Variants in GUCY2F observed in about 807,000 individuals in gnomAD.
GUCY2F encodes the protein guanylate cyclase 2F, retinal.
In GUCY2F, 61 loss-of-function variants were observed where a neutral mutation model predicts 73.1. The ratio of observed to expected loss-of-function variants is 0.83; its 90% CI spans 0.68 to 1.03. GUCY2F has a LOEUF of 1.03. Ranked by LOEUF, GUCY2F falls within the 50% of genes least tolerant of loss-of-function variation. The pLI is 0.00. For synonymous variants in GUCY2F, 331 were observed against 307.8 expected (o/e 1.08, Z -0.79); for missense variants, 912 against 854.3 (o/e 1.07, Z -0.84).
At chrX:109,400,853 C>T (rs1455308409) in intron 10 of GUCY2F, among the ~76,000 whole-genome samples, 2 of 112,214 alleles carry the variant, frequency 1.8e-5, no homozygotes, top group Non-Finnish European at 3.8e-5. Flanking sequence ...CAAAGGAATA[C>T]ATTTATAGTT....
Position 109,420,297 on chromosome X carries a change from G to A in GUCY2F, c.1791+10010C>T, listed in dbSNP as rs958852857. ...AGGGAGGGGGAAAGAGAGAGAGAGA[G>A]AAAAAGAGAAAGAAAGAAGAAAGAA... On this transcript the variant is annotated intron_variant, in intron 8 of 19. Coordinates refer to ENST00000218006, the MANE Select transcript of GUCY2F (RefSeq NM_001522.3). 2.9e-4 allele frequency among the ~76,000 whole-genome samples: 29 copies of A among 99,202 alleles called. 1 individual carries two copies. The highest frequency in any genetic ancestry group is 9.9e-4 in the African/African-American group (27 of 27,340). The allele number at this position is 99,202 out of a possible 115,157, so 86.1% of individuals were successfully genotyped here.
At chrX:109,445,830 A>G (rs1370199642) in intron 6 of GUCY2F, among the ~76,000 whole-genome samples, 2 of 111,863 alleles carry the variant, frequency 1.8e-5, no homozygotes, top group African/African-American at 6.5e-5. Context: ...GAGGAAGTCA[A>G]ATTGTGCCTG....
At chrX:109,400,251 A>G (rs1408831186) in intron 10 of GUCY2F, among the ~76,000 whole-genome samples, 1 of 110,453 alleles carries the variant, frequency 9.1e-6, no homozygotes, top group Non-Finnish European at 1.9e-5. Context: ...ACAGTCAACC[A>G]GATACACTGG....
chrX:109,398,486 G>A, intron 11 of GUCY2F, 63 bp downstream of exon 11: 1 of 1,017,822 alleles, frequency 9.8e-7, no homozygotes, highest in Non-Finnish European at 1.4e-6. Context: ...ATGACAGCCT[G>A]AGTTGGTCTG....
chrX:109,445,868 G>C (rs1931993381), intron 6 of GUCY2F, among the ~76,000 whole-genome samples: 1 of 111,675 alleles, frequency 9.0e-6, no homozygotes, highest in Non-Finnish European at 1.9e-5. Context: ...TGTATATTTA[G>C]AAAACCCCAT....
intron 1 of GUCY2F, among the ~76,000 whole-genome samples, chrX:109,476,586 G>A (rs1932698912): frequency 9.0e-6 from 1 of 110,861 alleles, no homozygotes; most frequent in Non-Finnish European, 1.9e-5. Flanking sequence ...GAGGAGAGAA[G>A]GGAGGAAGAA....
chrX:109,421,328 G>A (rs767519066), intron 8 of GUCY2F, among the ~76,000 whole-genome samples: 2 of 111,514 alleles, frequency 1.8e-5, no homozygotes, highest in Non-Finnish European at 3.8e-5. Context: ...CACTATTCAC[G>A]TTAGCCAAGA....
intron 8 of GUCY2F, among the ~76,000 whole-genome samples, chrX:109,412,466 C>T (rs1931134481): frequency 1.8e-5 from 2 of 111,953 alleles, no homozygotes; most frequent in South Asian, 7.5e-4. Context: ...CATGACAATT[C>T]TCTTCATCCA....
intron 8 of GUCY2F, among the ~76,000 whole-genome samples, chrX:109,417,237 C>T (rs1931266397): frequency 9.0e-6 from 1 of 111,159 alleles, no homozygotes; most frequent in East Asian, 2.8e-4. Context: ...ATTTCATTCT[C>T]TTAATTTGTA....
At chrX:109,431,788 G>A (rs747056637) in intron 7 of GUCY2F, among the ~76,000 whole-genome samples, 1 of 109,750 alleles carries the variant, frequency 9.1e-6, no homozygotes, top group African/African-American at 3.3e-5. Context: ...CAGAGGCAAA[G>A]GCTAATGGAA....
In GUCY2F at chrX:109,426,337, G is replaced by A. The variant is rs185750416; in HGVS notation, c.1791+3970C>T. 6.1e-3 allele frequency among the ~76,000 whole-genome samples: 688 copies of A among 112,239 alleles called. 6 individuals carry two copies. Among genetic ancestry groups the A allele is most frequent in the Non-Finnish European group, 9.1e-3 (486 of 53,175 alleles). On this transcript the variant is annotated intron_variant, in intron 8 of 19. Coordinates refer to ENST00000218006, the MANE Select transcript of GUCY2F (RefSeq NM_001522.3). ...AATATAGGCACAGTTGGGATAAAAG[G>A]AGGTTGTAATCAGAGAGTGTGATGA...
At chrX:109,441,008 C>T (rs1931854753) in intron 7 of GUCY2F, among the ~76,000 whole-genome samples, 1 of 112,089 alleles carries the variant, frequency 8.9e-6, no homozygotes, top group East Asian at 2.8e-4. Context: ...CTAGACATCT[C>T]ATTACAAACA....
At chrX:109,403,250 TCTC>T (rs1204010360) in intron 10 of GUCY2F, among the ~76,000 whole-genome samples, 2 of 111,402 alleles carry the variant, frequency 1.8e-5, no homozygotes, top group Non-Finnish European at 3.8e-5. Flanking sequence ...ATCTCAGATT[TCTC>T]CTATTTCTTT....
intron 6 of GUCY2F, among the ~76,000 whole-genome samples, chrX:109,441,685 C>T (rs1220530076): frequency 9.2e-6 from 1 of 108,835 alleles, no homozygotes; most frequent in Admixed American, 9.9e-5. Flanking sequence ...CATGCAGCAC[C>T]AAAAAATTAT....
At chrX:109,410,090 C>G (rs751792320) in intron 8 of GUCY2F, among the ~76,000 whole-genome samples, 46 of 111,597 alleles carry the variant, frequency 4.1e-4, no homozygotes, top group Non-Finnish European at 7.7e-4. Flanking sequence ...AGATGCCAAG[C>G]AAAACACCCA....
intron 6 of GUCY2F, among the ~76,000 whole-genome samples, chrX:109,444,636 C>T (rs755769520): frequency 9.0e-6 from 1 of 111,624 alleles, no homozygotes; most frequent in Non-Finnish European, 1.9e-5. Flanking sequence ...GTTTCCTCTG[C>T]CTAGGACACC....
intron 17 of GUCY2F, 92 bp downstream of exon 17, chrX:109,382,026 G>C: frequency 2.1e-6 from 1 of 476,846 alleles, no homozygotes; most frequent in Non-Finnish European, 3.7e-6. Context: ...CTGAGTCTCA[G>C]ACTCCCAGGT....
chrX:109,448,660 A>G (rs886579867), intron 5 of GUCY2F, among the ~76,000 whole-genome samples: 3 of 112,413 alleles, frequency 2.7e-5, no homozygotes, highest in Non-Finnish European at 5.6e-5. Context: ...CCTGAGGCAG[A>G]GCTGGAACTT....
chrX:109,380,017 T>G (rs1182240070), intron 17 of GUCY2F, among the ~76,000 whole-genome samples: 1 of 112,218 alleles, frequency 8.9e-6, no homozygotes, highest in East Asian at 2.8e-4. Flanking sequence ...TGTTTTTGAT[T>G]CCACTAAGGG....
Sources: gnomAD v4.1 joint callset for allele counts (sites outside exome capture counted in the v4.1 genomes callset) on GRCh38, gnomAD v4.1.1 for gene constraint, MANE v1.5 for transcripts, NCBI Gene and HGNC (gene_info 2026-07-23, HGNC 2026-07-21) for gene names.